RAB3GAP1: variants seen among roughly 807,000 people sequenced by gnomAD.
RAB3GAP1 encodes the protein RAB3 GTPase activating protein catalytic subunit 1, also known as rab3 GTPase-activating protein catalytic subunit.
Under a neutral mutation model 130.7 loss-of-function variants are expected in RAB3GAP1, and 86 were observed. That is an observed-to-expected ratio of 0.66 (90% CI 0.55 to 0.79). The LOEUF (loss-of-function observed/expected upper bound fraction) is 0.79, where lower values mean the gene tolerates loss of function less well. Among genes scored for constraint, RAB3GAP1 ranks in the 30% least tolerant of loss-of-function variants. RAB3GAP1 has a pLI of 0.00. For missense variants in RAB3GAP1, 1,029 were observed against 1,169.4 expected, an observed-to-expected ratio of 0.88 and a Z score of 1.75; for synonymous variants, 367 against 401.7, an observed-to-expected ratio of 0.91 and a Z score of 1.03.
intron 17 of RAB3GAP1, among the ~76,000 whole-genome samples, chr2:135,139,517 G>C (rs1385464920): frequency 6.6e-6 from 1 of 151,314 alleles, no homozygotes; most frequent in African/African-American, 2.4e-5. Flanking sequence ...CTCCAGCCTG[G>C]GCAACAGAGC....
chr2:135,072,291 A>G (rs1027016588), intron 3 of RAB3GAP1, among the ~76,000 whole-genome samples: 7 of 152,230 alleles, frequency 4.6e-5, no homozygotes, highest in Non-Finnish European at 8.8e-5. Flanking sequence ...AACTGAATCC[A>G]GGGAAGATTC....
chr2:135,117,534 T>TCTTCTG (rs1691026665), intron 7 of RAB3GAP1, among the ~76,000 whole-genome samples: 2 of 70,134 alleles, frequency 2.9e-5, no homozygotes, highest in African/African-American at 4.8e-5. Flanking sequence ...TTCTTCTGCT[T>TCTTCTG]CTTCTTCTGC....
chr2:135,074,487 T>G (rs576247979), intron 3 of RAB3GAP1, among the ~76,000 whole-genome samples: 1 of 152,298 alleles, frequency 6.6e-6, no homozygotes, highest in South Asian at 2.1e-4. Flanking sequence ...AAAGCAAACT[T>G]TGAACTCTTA....
intron 3 of RAB3GAP1, among the ~76,000 whole-genome samples, chr2:135,088,387 C>G (rs998339001): frequency 6.6e-6 from 1 of 151,740 alleles, no homozygotes; most frequent in Non-Finnish European, 1.5e-5. Context: ...CCACCCCACA[C>G]AAAAAAAATT....
downstream of RAB3GAP1, among the ~76,000 whole-genome samples, chr2:135,172,745 A>G (rs1411289489): frequency 6.6e-6 from 1 of 152,138 alleles, no homozygotes; most frequent in Admixed American, 6.5e-5. Flanking sequence ...CGAGTGATGA[A>G]TTTGAGCTTG....
intron 3 of RAB3GAP1, among the ~76,000 whole-genome samples, chr2:135,068,491 G>A (rs62168954): frequency 1.4e-4 from 21 of 149,146 alleles, no homozygotes; most frequent in African/African-American, 4.6e-4. Context: ...CGTGGCTCAC[G>A]CCTGTAATCC....
chr2:135,089,375 C>A (rs559612371), intron 3 of RAB3GAP1, among the ~76,000 whole-genome samples: 1 of 151,280 alleles, frequency 6.6e-6, no homozygotes, highest in South Asian at 2.1e-4. Flanking sequence ...GCTATATTGG[C>A]GCTTTTTTGG....
intron 3 of RAB3GAP1, among the ~76,000 whole-genome samples, chr2:135,088,534 CA>C (rs1690050003): frequency 6.6e-6 from 1 of 151,272 alleles, no homozygotes; most frequent in South Asian, 2.1e-4. Context: ...ACTGAAAATT[CA>C]AAAATTAGCC....
rs571067352 is a variant in RAB3GAP1 at position 135,137,529 on chromosome 2, G to A, written c.1923+1597G>A. Among the ~76,000 whole-genome samples, 8 of 152,300 alleles carry A rather than the reference G, an allele frequency of 5.3e-5. No homozygotes were observed. In the East Asian group the frequency reaches 1.5e-3, roughly 29 times the overall value. Reference sequence around the variant, plus strand: ...ATAAGCATCAGTTTCATTAAAAAGGGCTAACTTGAAGATAAATCTTTTGAC... The same window carrying A: ...ATAAGCATCAGTTTCATTAAAAAGGACTAACTTGAAGATAAATCTTTTGAC... On this transcript the variant is annotated intron_variant, in intron 17 of 23. Coordinates refer to ENST00000264158, the MANE Select transcript of RAB3GAP1 (RefSeq NM_012233.3).
At chr2:135,126,716 A>C in intron 11 of RAB3GAP1, 60 bp downstream of exon 11, 1 of 1,359,130 alleles carries the variant, frequency 7.4e-7, no homozygotes, top group Non-Finnish European at 1.1e-6. Flanking sequence ...TCCAAATCGG[A>C]GACACTGCAT....
At chr2:135,141,838 C>T (rs192544160) in intron 17 of RAB3GAP1, among the ~76,000 whole-genome samples, 4 of 152,198 alleles carry the variant, frequency 2.6e-5, no homozygotes, top group African/African-American at 9.6e-5. Context: ...GCAGTGATAT[C>T]TTTGATGTAA....
At chr2:135,153,276 A>G (rs995895249) in intron 18 of RAB3GAP1, among the ~76,000 whole-genome samples, 41 of 152,298 alleles carry the variant, frequency 2.7e-4, no homozygotes, top group African/African-American at 9.4e-4. Flanking sequence ...TGTAACACAT[A>G]ATGTGTTTAA....
At chr2:135,074,811 T>TA (rs992254855) in intron 3 of RAB3GAP1, among the ~76,000 whole-genome samples, 12 of 152,124 alleles carry the variant, frequency 7.9e-5, no homozygotes, top group Admixed American at 2.0e-4. Flanking sequence ...AGCACGAAGA[T>TA]ACGATACTGG....
chr2:135,067,414 G>A (rs1012194117), intron 3 of RAB3GAP1, among the ~76,000 whole-genome samples: 4 of 151,778 alleles, frequency 2.6e-5, no homozygotes, highest in Non-Finnish European at 5.9e-5. Flanking sequence ...CCTTTAAATC[G>A]TAACCATAGT....
chr2:135,091,213 A>G (rs1690133421), intron 4 of RAB3GAP1, 83 bp downstream of exon 4: 3 of 1,321,894 alleles, frequency 2.3e-6, no homozygotes, highest in South Asian at 1.3e-5. Context: ...GTGTTCTTCC[A>G]TAGTGTCAGT....
At chr2:135,116,468 CA>C (rs1352768240) in intron 7 of RAB3GAP1, among the ~76,000 whole-genome samples, 1 of 151,936 alleles carries the variant, frequency 6.6e-6, no homozygotes, top group Non-Finnish European at 1.5e-5. Context: ...GGAAGCAATT[CA>C]GATTTAAGGA....
chr2:135,062,296 T>C (rs1394680552), intron 3 of RAB3GAP1, among the ~76,000 whole-genome samples: 1 of 152,258 alleles, frequency 6.6e-6, no homozygotes, highest in African/African-American at 2.4e-5. Flanking sequence ...TGAGGCTGTC[T>C]TATGCATTGT....
In RAB3GAP1 at chr2:135,115,246, C is replaced by G. The variant is rs1371330756; in HGVS notation, c.513C>G (p.His171Gln). Residue 171 changes from histidine (H) to glutamine (Q), a missense_variant, in exon 7 of 24, where the codon CAC becomes CAG. His to Gln is a conservative substitution (Grantham distance 24). Coordinates refer to ENST00000264158, the MANE Select transcript of RAB3GAP1 (RefSeq NM_012233.3). ...TGCCACTCTTTGTGCAAATTCACCA[C>G]AAATGGCGAAGAATGTATGTAGGAG... ...CQVPLFVQIH[H>Q]KWRRMYVGEC... 1.2e-6 allele frequency: 2 copies of G among 1,612,346 alleles called. No homozygotes were observed.
intron 22 of RAB3GAP1, among the ~76,000 whole-genome samples, 173 bp from the exon 23 acceptor site, chr2:135,164,421 G>A (rs1420011470): frequency 1.3e-5 from 2 of 152,154 alleles, no homozygotes; most frequent in African/African-American, 2.4e-5. Flanking sequence ...CAGTTAAGTC[G>A]ATAATAATTC....
Sources: allele counts gnomAD v4.1 joint callset (sites outside exome capture counted in the v4.1 genomes callset), GRCh38; gene constraint gnomAD v4.1.1; transcripts MANE v1.5; gene names NCBI Gene and HGNC (gene_info 2026-07-23, HGNC 2026-07-21).